The following AMZ1 variants were observed in gnomAD, a reference collection of about 807,000 sequenced individuals.
AMZ1 encodes archaemetzincin-1.
A neutral mutation model predicts 29.9 loss-of-function variants in AMZ1; 39 were observed. The observed-to-expected ratio is 1.30, with a 90% confidence interval of 1.01 to 1.70. The LOEUF (loss-of-function observed/expected upper bound fraction) is 1.70. Among genes scored for constraint, AMZ1 ranks in the 40% most tolerant of loss-of-function variants. The probability of loss-of-function intolerance (pLI) is 0.00; values close to 1 mark genes in which losing one functional copy is unlikely to be tolerated. For synonymous variants in AMZ1, 458 were observed against 304.0 expected (o/e 1.51, Z -5.27); for missense variants, 1,041 against 680.6 (o/e 1.53, Z -5.89).
chr7:2,740,976 C>G (rs551701195), intron 4 of AMZ1, among the ~76,000 whole-genome samples: 1 of 152,318 alleles, frequency 6.6e-6, no homozygotes, highest in South Asian at 2.1e-4. Flanking sequence ...ACCCGGGAGG[C>G]AGAGCTTGCA....
At chr7:2,760,284 T>A (rs1421190986), upstream of AMZ1, 1 of 152,432 alleles carries the variant, frequency 6.6e-6, no homozygotes, top group East Asian at 1.9e-4. Context: ...CAGCGCTGCC[T>A]CCCTAGGTCC....
rs180920146 is a variant in AMZ1 at position 2,694,735 on chromosome 7, C to T, written c.-218-5499C>T. 1.7e-3 allele frequency among the ~76,000 whole-genome samples: 256 copies of T among 151,624 alleles called. 1 individual carries two copies. The highest frequency in any genetic ancestry group is 0.01 in the Middle Eastern group (3 of 290). On this transcript the variant is annotated intron_variant, in intron 1 of 6. Coordinates refer to ENST00000683327, the MANE Select transcript of AMZ1 (RefSeq NM_001384743.1). ...TCACTCAGGCTGGAGTGCAGTGGCG[C>T]GATCTCAGCTCACTGCAACCTCTGT...
At chr7:2,743,173 C>G (rs1324680485) in intron 4 of AMZ1, among the ~76,000 whole-genome samples, 1 of 152,162 alleles carries the variant, frequency 6.6e-6, no homozygotes, top group African/African-American at 2.4e-5. Context: ...TGGCTGGCCC[C>G]TGAACCGTAT....
intron 1 of AMZ1, among the ~76,000 whole-genome samples, chr7:2,695,783 G>C (rs1449871542): frequency 6.6e-6 from 1 of 152,154 alleles, no homozygotes. Context: ...GGCCAAGGCA[G>C]GTAGATCACA....
chr7:2,759,531 G>C lies in AMZ1; in HGVS notation n.551-5181G>C, dbSNP rs147089665. Among the ~76,000 whole-genome samples the C allele has an allele frequency of 5.3e-3, 801 of 152,336 alleles. 10 individuals carry two copies. Among genetic ancestry groups the C allele is most frequent in the African/African-American group, 0.019 (778 of 41,560 alleles). ...TGGTAAAAAGACAAGTAAAAGGAAA[G>C]GAATAATTAGCCAAATACTAGAATA... On this transcript the variant is annotated intron_variant and non_coding_transcript_variant, in intron 4 of 4. Coordinates refer to the AMZ1 transcript ENST00000489665.
intron 4 of AMZ1, among the ~76,000 whole-genome samples, chr7:2,751,619 T>C (rs1791044375): frequency 6.6e-6 from 1 of 152,074 alleles, no homozygotes; most frequent in African/African-American, 2.4e-5. Context: ...ACAGAACTGA[T>C]AACCTCCTAA....
chr7:2,748,071 A>G (rs1003711282), intron 4 of AMZ1, among the ~76,000 whole-genome samples: 6 of 150,880 alleles, frequency 4.0e-5, no homozygotes, highest in African/African-American at 7.4e-5. Flanking sequence ...TATCATGAAA[A>G]TGGCCATACT....
At chr7:2,737,289 G>GTTTTTTTTTTTTTTTTT (rs11389467) in intron 4 of AMZ1, among the ~76,000 whole-genome samples, 29 of 62,302 alleles carry the variant, frequency 4.7e-4, no homozygotes, top group Middle Eastern at 0.01. Context: ...TTTTTTTTTT[G>GTTTTTTTTTTTTTTTTT]TTTTTTTTTT....
chr7:2,702,575 T>G (rs1287176716), intron 2 of AMZ1, 147 bp from the exon 3 acceptor site: 12 of 915,298 alleles, frequency 1.3e-5, no homozygotes, highest in Middle Eastern at 3.4e-4. Flanking sequence ...TCCATCCCTT[T>G]TCTAAGCCTG....
At chr7:2,684,912 C>T (rs1213193666), upstream of AMZ1, among the ~76,000 whole-genome samples, 2 of 150,374 alleles carry the variant, frequency 1.3e-5, no homozygotes, top group African/African-American at 2.5e-5. Context: ...CTCTGTCGCC[C>T]AGGCTGGAGT....
intron 6 of AMZ1, among the ~76,000 whole-genome samples, chr7:2,710,340 C>G (rs1233072486): frequency 1.3e-5 from 2 of 152,220 alleles, no homozygotes; most frequent in Non-Finnish European, 2.9e-5. Flanking sequence ...TTTGCAAGCT[C>G]AAAAGCTTTA....
intron 4 of AMZ1, chr7:2,733,473 T>C (rs1021817793): frequency 1.2e-6 from 2 of 1,614,008 alleles, no homozygotes; most frequent in Non-Finnish European, 8.5e-7. Flanking sequence ...CCGGTCCAAG[T>C]TGTCCAGGAA....
intron 1 of AMZ1, among the ~76,000 whole-genome samples, chr7:2,697,910 C>T (rs772376092): frequency 4.6e-5 from 7 of 152,130 alleles, no homozygotes; most frequent in Non-Finnish European, 1.0e-4. Context: ...CCCTCCCCTA[C>T]TCTAAGCCAG....
upstream of AMZ1, chr7:2,760,352 G>C (rs938735550): frequency 2.0e-5 from 3 of 152,392 alleles, no homozygotes; most frequent in African/African-American, 7.2e-5. Flanking sequence ...CAGTACACCA[G>C]GGGGACACCA....
rs1426087425 is a variant in AMZ1, at chr7:2,716,683, T to A, written c.*3805T>A. Reference sequence around the variant, plus strand: ...CCCACCAGGCAGGGACGGCCAGGCCTCGGAGAGAGGGACCGGCTGCCCTGC... The same window carrying A: ...CCCACCAGGCAGGGACGGCCAGGCCACGGAGAGAGGGACCGGCTGCCCTGC... On this transcript the variant is annotated 3_prime_UTR_variant, in exon 7 of 7. Coordinates refer to ENST00000683327, the MANE Select transcript of AMZ1 (RefSeq NM_001384743.1). Among the ~76,000 whole-genome samples the A allele has an allele frequency of 1.3e-5, 2 of 152,204 alleles. No individual in the cohort carries two copies. The highest frequency in any genetic ancestry group is 4.8e-5 in the African/African-American group (2 of 41,462).
rs556182544 is a variant in AMZ1, at chr7:2,712,141, C to A, written c.949-189C>A. ...AGCTCTTGGGGGTGGGTACCTCTGA[C>A]TCTGGCACAGCCTGGACATGAGTCC... On this transcript the variant is annotated intron_variant, in intron 6 of 6. Coordinates refer to ENST00000683327, the MANE Select transcript of AMZ1 (RefSeq NM_001384743.1). 2.5e-4 allele frequency among the ~76,000 whole-genome samples: 38 copies of A among 152,334 alleles called. No individual in the cohort carries two copies. The South Asian group carries it at 6.0e-3, about 24-fold the overall frequency.
chr7:2,708,671 C>T lies in AMZ1; in HGVS notation c.556C>T (p.His186Tyr), dbSNP rs202155861. ...CCTCACACTGTCTGACCTGTACCCC[C>T]ATGAGGCCTGGAGCTTCACCTTCAG... ...LGLTLSDLYP[H>Y]EAWSFTFSKF... The change falls in exon 4 of 7, where the codon CAT becomes TAT. Residue 186 changes from histidine (H) to tyrosine (Y), a missense_variant. His to Tyr is a moderately conservative substitution (Grantham distance 83). Coordinates refer to ENST00000683327, the MANE Select transcript of AMZ1 (RefSeq NM_001384743.1). The T allele has an allele frequency of 4.3e-6, 7 of 1,613,124 alleles. No individual in the cohort carries two copies. The highest frequency in any genetic ancestry group is 3.3e-5 in the South Asian group (3 of 91,084).
chr7:2,694,964 C>T (rs955299241), intron 1 of AMZ1, among the ~76,000 whole-genome samples: 7 of 152,180 alleles, frequency 4.6e-5, no homozygotes, highest in East Asian at 1.9e-4. Flanking sequence ...TGAGCCATCG[C>T]GTCCGGCCTA....
rs757730921 is a variant in AMZ1, at chr7:2,717,358, G to A, written c.*4480G>A. ...TGCCTGTGTGCTGGAAGCAAACGAC[G>A]GCCCGTCCTCTAAGCTGGCTTTGCA... On this transcript the variant is annotated 3_prime_UTR_variant, in exon 7 of 7. Coordinates refer to ENST00000683327, the MANE Select transcript of AMZ1 (RefSeq NM_001384743.1). Among the ~76,000 whole-genome samples, 10 of 152,202 alleles carry A rather than the reference G, an allele frequency of 6.6e-5. No individual in the cohort carries two copies. Among genetic ancestry groups the A allele is most frequent in the East Asian group, 1.9e-4 (1 of 5,196 alleles).
Sources: allele counts gnomAD v4.1 joint callset (sites outside exome capture counted in the v4.1 genomes callset), GRCh38; gene constraint gnomAD v4.1.1; transcripts MANE v1.5; gene names NCBI Gene and HGNC (gene_info 2026-07-23, HGNC 2026-07-21).